The following RAB6A variants were observed in gnomAD, a reference collection of about 807,000 sequenced individuals.
RAB6A encodes ras-related protein Rab-6A.
Under a neutral mutation model 32.3 loss-of-function variants are expected in RAB6A, and 8 were observed. That is an observed-to-expected ratio of 0.25 (90% CI 0.15 to 0.45). RAB6A has a LOEUF of 0.45. Among genes scored for constraint, RAB6A ranks in the 20% least tolerant of loss-of-function variants. The pLI, the probability that RAB6A is intolerant of heterozygous loss-of-function variation, is 1.00. For missense variants in RAB6A, 104 were observed against 249.4 expected, an observed-to-expected ratio of 0.42 and a Z score of 3.93; for synonymous variants, 73 against 82.1, an observed-to-expected ratio of 0.89 and a Z score of 0.60.
chr11:73,698,393 A>G (rs538120505), intron 6 of RAB6A, among the ~76,000 whole-genome samples: 4 of 152,206 alleles, frequency 2.6e-5, no homozygotes, highest in East Asian at 1.9e-4. Flanking sequence ...TATAATCTTA[A>G]GCAAGTTACT....
rs775719371 is a variant in RAB6A, at chr11:73,677,861, G to A, written c.*37C>T. 1.9e-6 allele frequency: 3 copies of A among 1,613,220 alleles called. No individual in the cohort carries two copies. In the African/African-American group the frequency reaches 4.0e-5, roughly 22 times the overall value. The stretch of plus-strand genomic sequence containing the variant: ...ATGAAAGAGTAAGGGGGCCAAAGCA[G>A]TGAGCTTCTGAAGAAGGTTGAAGAT... On this transcript the variant is annotated 3_prime_UTR_variant, in exon 8 of 8. Coordinates refer to ENST00000336083, the MANE Select transcript of RAB6A (RefSeq NM_198896.2).
chr11:73,722,152 T>A (rs1946142331), intron 2 of RAB6A, among the ~76,000 whole-genome samples: 1 of 149,860 alleles, frequency 6.7e-6, no homozygotes, highest in South Asian at 2.1e-4. Context: ...TATCTCTTTA[T>A]TAGCAGCATG....
chr11:73,719,363 T>C (rs2134948328), intron 3 of RAB6A, among the ~76,000 whole-genome samples: 1 of 152,384 alleles, frequency 6.6e-6, no homozygotes, highest in South Asian at 2.1e-4. Context: ...CTATTGGGTC[T>C]AGAATACTTT....
intron 2 of RAB6A, among the ~76,000 whole-genome samples, chr11:73,728,313 A>G (rs1946252592): frequency 1.3e-5 from 2 of 152,122 alleles, no homozygotes; most frequent in African/African-American, 4.8e-5. Flanking sequence ...TACCATTTTG[A>G]AGTTTCCTTC....
chr11:73,756,757 A>G (rs934336055), intron 1 of RAB6A, among the ~76,000 whole-genome samples: 10 of 151,954 alleles, frequency 6.6e-5, no homozygotes, highest in Non-Finnish European at 1.5e-4. Context: ...GTTCACTGCA[A>G]CCTCCACCTC....
intron 1 of RAB6A, among the ~76,000 whole-genome samples, chr11:73,755,563 G>A (rs1457753465): frequency 6.6e-6 from 1 of 152,172 alleles, no homozygotes; most frequent in African/African-American, 2.4e-5. Flanking sequence ...AAAGTGCTGG[G>A]ATTATAGGCG....
intron 7 of RAB6A, among the ~76,000 whole-genome samples, chr11:73,678,993 T>C (rs1945312920): frequency 1.3e-5 from 2 of 152,138 alleles, no homozygotes; most frequent in South Asian, 4.1e-4. Flanking sequence ...CCCAAAGTGC[T>C]GGGATTACAG....
intron 6 of RAB6A, among the ~76,000 whole-genome samples, chr11:73,693,598 GCGA>G (rs1237196054): frequency 6.9e-6 from 1 of 145,090 alleles, no homozygotes; most frequent in Non-Finnish European, 1.5e-5. Flanking sequence ...AGAAAAGAAA[GCGA>G]CAGGCTGGGC....
At chr11:73,723,417 C>T (rs982060522) in intron 2 of RAB6A, among the ~76,000 whole-genome samples, 1 of 152,062 alleles carries the variant, frequency 6.6e-6, no homozygotes, top group South Asian at 2.1e-4. Context: ...CCTCCGCCTC[C>T]TAGGTTCAAG....
At chr11:73,714,209 A>AAAAAAT (rs35864471) in intron 5 of RAB6A, among the ~76,000 whole-genome samples, 2 of 57,576 alleles carry the variant, frequency 3.5e-5, no homozygotes, top group African/African-American at 6.2e-5. Flanking sequence ...AAAAAAAAAA[A>AAAAAAT]ATATATATAT....
At chr11:73,697,574 T>C (rs112249641) in intron 6 of RAB6A, among the ~76,000 whole-genome samples, 15,763 of 152,164 alleles carry the variant, frequency 0.1, 897 homozygotes, top group South Asian at 0.27. Context: ...CTTGAACTCC[T>C]GGCCTCAAGT....
intron 1 of RAB6A, among the ~76,000 whole-genome samples, chr11:73,736,977 C>CA (rs535172648): frequency 0.3 from 19,114 of 64,400 alleles, 2,450 homozygotes; most frequent in South Asian, 0.4. Flanking sequence ...GACACTGTCT[C>CA]AAAAAAAAAA....
chr11:73,744,375 G>A (rs545581031), intron 1 of RAB6A, among the ~76,000 whole-genome samples: 1 of 149,444 alleles, frequency 6.7e-6, no homozygotes, highest in Non-Finnish European at 1.5e-5. Flanking sequence ...GCCACATGTA[G>A]TAGCACATGC....
intron 1 of RAB6A, among the ~76,000 whole-genome samples, chr11:73,760,271 T>C (rs1946823526): frequency 1.4e-5 from 2 of 145,560 alleles, no homozygotes; most frequent in African/African-American, 5.1e-5. Flanking sequence ...AAGAAAGGGA[T>C]GGACAAGAGG....
intron 6 of RAB6A, among the ~76,000 whole-genome samples, chr11:73,687,277 G>T (rs1281931901): frequency 6.6e-6 from 1 of 152,134 alleles, no homozygotes. Flanking sequence ...AATTTTACAA[G>T]AATGAAAAGG....
intron 1 of RAB6A, among the ~76,000 whole-genome samples, chr11:73,759,444 C>T (rs994912389): frequency 1.3e-5 from 2 of 152,014 alleles, no homozygotes; most frequent in Non-Finnish European, 2.9e-5. Flanking sequence ...AATGACATAA[C>T]AATTTCACTC....
At chr11:73,720,717 C>T in intron 3 of RAB6A, 129 bp downstream of exon 3, 1 of 717,790 alleles carries the variant, frequency 1.4e-6, no homozygotes, top group African/African-American at 1.8e-5. Context: ...AAGAGTTTTT[C>T]TCAACAACTG....
chr11:73,759,220 A>T (rs934360320), intron 1 of RAB6A, among the ~76,000 whole-genome samples: 1 of 152,212 alleles, frequency 6.6e-6, no homozygotes, highest in Non-Finnish European at 1.5e-5. Context: ...GATGACTCAG[A>T]ACTAATCTCT....
chr11:73,738,688 G>A (rs1033278628), intron 1 of RAB6A, among the ~76,000 whole-genome samples: 14 of 151,728 alleles, frequency 9.2e-5, no homozygotes, highest in East Asian at 5.8e-4. Context: ...TTGAGGCCAG[G>A]AGCGGTCGCA....
Sources: allele counts gnomAD v4.1 joint callset (sites outside exome capture counted in the v4.1 genomes callset), GRCh38; gene constraint gnomAD v4.1.1; transcripts MANE v1.5; gene names NCBI Gene and HGNC (gene_info 2026-07-23, HGNC 2026-07-21).